Variants in PACC1 observed in about 807,000 individuals in gnomAD.
PACC1 encodes the protein proton activated chloride channel 1.
In PACC1, 34 loss-of-function variants were observed where a neutral mutation model predicts 39.7. The observed-to-expected ratio is 0.86, with a 90% CI of 0.65 to 1.14. PACC1 has a LOEUF of 1.14. PACC1 is among the 50% of genes most tolerant of loss of function. PACC1 has a pLI of 0.00. For missense variants in PACC1, 379 were observed against 436.4 expected (o/e 0.87, Z 1.17); for synonymous variants, 127 against 160.6 (o/e 0.79, Z 1.58).
At position 212,386,991 on chromosome 1, in the gene PACC1, G is replaced by A. The variant is rs140199700; in HGVS notation, c.243C>T (p.Ala81=). 5.5e-5 allele frequency: 88 copies of A among 1,614,192 alleles called. No homozygotes were observed. In the African/African-American group the frequency reaches 7.6e-4, roughly 14 times the overall value. ...TGATGGTCCGGTAGACCAGGAAGAC[G>A]GCCACAGCCATGAGCAGCAGGTAGA... ...IFIYLLLMAV[A]VFLVYRTITD... Residue 81 remains alanine, a synonymous_variant, in exon 3 of 8, where the codon GCC becomes GCT. Transcript: ENST00000261455. This position sits in a 1 kb window ranked among gnomAD's most constrained non-coding sequence, Gnocchi z 5.0.
chr1:212,381,252 C>T (rs1296787249), intron 4 of PACC1, among the ~76,000 whole-genome samples: 3 of 152,138 alleles, frequency 2.0e-5, no homozygotes, highest in South Asian at 2.1e-4. Flanking sequence ...ACTGTTCAGT[C>T]GTCTTAGTGG....
At chr1:212,410,781 A>T (rs1662098366) in intron 1 of PACC1, among the ~76,000 whole-genome samples, 1 of 152,204 alleles carries the variant, frequency 6.6e-6, no homozygotes. Flanking sequence ...GTCTTCTCTC[A>T]CAGTTCTGGA....
At chr1:212,407,972 G>A (rs1358757446) in intron 2 of PACC1, among the ~76,000 whole-genome samples, 1 of 151,868 alleles carries the variant, frequency 6.6e-6, no homozygotes, top group African/African-American at 2.4e-5. Flanking sequence ...TACTTGGGAG[G>A]CTGAGGCAGG....
In PACC1 at chr1:212,379,928, A is replaced by T; in HGVS notation, c.605T>A (p.Leu202His). The T allele has an allele frequency of 1.2e-6, 2 of 1,614,206 alleles. No individual in the cohort carries two copies. The highest frequency in any genetic ancestry group is 2.2e-5 in the South Asian group (2 of 91,078). The change falls in exon 5 of 8, where the codon CTC (leucine) becomes CAC (histidine). Residue 202 changes from leucine (L) to histidine (H), a missense_variant. Leu to His is a moderately conservative substitution (Grantham distance 99). Coordinates refer to ENST00000261455, the MANE Select transcript of PACC1 (RefSeq NM_018252.3). ...SSEDFSAIDY[L>H]LFSSFQEFLQ... ...GAACTCCTGGAAAGAAGAGAAGAGG[A>T]GGTAATCAATGGCGCTGAAGTCCTC...
chr1:212,370,060 A>AGGGGAC (rs887056059), intron 7 of PACC1, among the ~76,000 whole-genome samples: 1 of 152,232 alleles, frequency 6.6e-6, no homozygotes, highest in African/African-American at 2.4e-5. Flanking sequence ...CAGTAATAGT[A>AGGGGAC]GGGGACATCA....
Position 212,386,846 on chromosome 1 carries a change from C to A in PACC1, c.343+45G>T. 6.3e-7 allele frequency: 1 copy of A among 1,595,198 alleles called. No homozygotes were observed. Among genetic ancestry groups the A allele is most frequent in the Non-Finnish European group, 8.6e-7 (1 of 1,163,486 alleles). On this transcript the variant is annotated intron_variant, in intron 3 of 7. Transcript: ENST00000261455. This position sits in a 1 kb window ranked among gnomAD's most constrained non-coding sequence, Gnocchi z 5.0. ...CTCAGGGAGTATCTGCCAGCTGACA[C>A]CCTAGATCTGGGGCCCTGATGCCTG...
At chr1:212,406,898 A>C (rs1047488352) in intron 2 of PACC1, among the ~76,000 whole-genome samples, 1 of 152,224 alleles carries the variant, frequency 6.6e-6, no homozygotes, top group Admixed American at 6.5e-5. Flanking sequence ...ACACAAAGAC[A>C]AGCCTCATCT....
intron 2 of PACC1, among the ~76,000 whole-genome samples, chr1:212,404,202 G>C (rs1250483125): frequency 6.6e-6 from 1 of 151,806 alleles, no homozygotes; most frequent in Non-Finnish European, 1.5e-5. Context: ...TGCCTCCCAG[G>C]TTCACGCCAT....
chr1:212,414,116 A>T lies in PACC1; in HGVS notation c.36+606T>A, dbSNP rs1236439442. ...GGACAGAGAAGAGACAAAGAACTGG[A>T]AAGTGATAAAGTCGTGGGAGGAGGT... On this transcript the variant is annotated intron_variant, in intron 1 of 7. Coordinates refer to ENST00000261455, the MANE Select transcript of PACC1 (RefSeq NM_018252.3). 7 of 1,491,780 alleles carry T rather than the reference A, an allele frequency of 4.7e-6. No individual in the cohort carries two copies. The South Asian group carries it at 9.0e-5, about 19-fold the overall frequency. 92.4% of individuals were successfully genotyped at this position (1,491,780 alleles called of 1,614,324 possible).
intron 6 of PACC1, 33 bp downstream of exon 6, chr1:212,377,528 AC>A (rs1250506702): frequency 1.2e-6 from 2 of 1,612,680 alleles, no homozygotes; most frequent in African/African-American, 2.7e-5. Flanking sequence ...TGGAAAAGTC[AC>A]CAGCAGTTTC....
chr1:212,365,381 G>T lies in PACC1; in HGVS notation c.892-5C>A. On this transcript the variant is annotated splice_region_variant and splice_polypyrimidine_tract_variant and intron_variant, in intron 7 of 7. Coordinates refer to ENST00000261455, the MANE Select transcript of PACC1 (RefSeq NM_018252.3). ...CCAAGGATTGGCAGTGACTATCTGTGAAGCAAACAGAAACAAACAGGATTA... is the reference window on the plus strand; with the variant it reads ...CCAAGGATTGGCAGTGACTATCTGTTAAGCAAACAGAAACAAACAGGATTA... 6.3e-7 allele frequency: 1 copy of T among 1,591,224 alleles called. No individual in the cohort carries two copies. Among genetic ancestry groups the T allele is most frequent in the Non-Finnish European group, 8.6e-7 (1 of 1,169,436 alleles).
intron 1 of PACC1, among the ~76,000 whole-genome samples, chr1:212,412,684 G>T (rs1662180023): frequency 6.6e-6 from 1 of 152,160 alleles, no homozygotes. Flanking sequence ...CTCCAAGCGG[G>T]GTAAGTGCCT....
chr1:212,397,743 G>A (rs1294928452), intron 2 of PACC1, among the ~76,000 whole-genome samples: 1 of 152,220 alleles, frequency 6.6e-6, no homozygotes, highest in Non-Finnish European at 1.5e-5. Context: ...AGCACAGGGA[G>A]AAGGGCAGTT....
chr1:212,410,918 C>T (rs751240943), intron 1 of PACC1, among the ~76,000 whole-genome samples: 15 of 152,132 alleles, frequency 9.9e-5, no homozygotes, highest in Non-Finnish European at 1.9e-4. Flanking sequence ...TTCGTTGGCT[C>T]GTAGAGGCAT....
intron 6 of PACC1, among the ~76,000 whole-genome samples, chr1:212,376,013 C>T (rs1294528343): frequency 1.3e-5 from 2 of 151,954 alleles, no homozygotes; most frequent in South Asian, 2.1e-4. Flanking sequence ...GAATTTTCAA[C>T]GCTTGTTTCA....
At chr1:212,406,552 G>A (rs991001410) in intron 2 of PACC1, among the ~76,000 whole-genome samples, 1 of 152,018 alleles carries the variant, frequency 6.6e-6, no homozygotes, top group Non-Finnish European at 1.5e-5. Context: ...AATGAGCTCT[G>A]AGAGTTGTGT....
intron 2 of PACC1, among the ~76,000 whole-genome samples, chr1:212,388,236 T>G (rs1482992152): frequency 1.3e-5 from 2 of 152,130 alleles, no homozygotes. Context: ...GTGAGTTCCA[T>G]GAGGGCAGGG....
At chr1:212,396,732 AAAT>A (rs1190670698) in intron 2 of PACC1, among the ~76,000 whole-genome samples, 1 of 150,898 alleles carries the variant, frequency 6.6e-6, no homozygotes, top group African/African-American at 2.4e-5. Flanking sequence ...ATCCCGAGGC[AAAT>A]AATAATCAAA....
At chr1:212,414,643 C>G (rs1010893176) in intron 1 of PACC1, 79 bp downstream of exon 1, 6 of 1,563,384 alleles carry the variant, frequency 3.8e-6, no homozygotes, top group Non-Finnish European at 5.3e-6. Context: ...CCCGACACCC[C>G]CCGCCCCGCA....
Sources: gnomAD v4.1 joint callset for allele counts (sites outside exome capture counted in the v4.1 genomes callset) on GRCh38, gnomAD v4.1.1 for gene constraint, Gnocchi (gnomAD v3.1) non-coding constraint, MANE v1.5 for transcripts, NCBI Gene and HGNC (gene_info 2026-07-23, HGNC 2026-07-21) for gene names.